FTCDNL1: variants seen among roughly 807,000 people sequenced by gnomAD.
The protein encoded by FTCDNL1 is formiminotransferase N-terminal subdomain-containing protein.
Under a neutral mutation model 5.9 loss-of-function variants are expected in FTCDNL1, and 11 were observed. The ratio of observed to expected loss-of-function variants is 1.87; its 90% CI spans 1.18 to 3.10. The LOEUF is 3.10. Ranked by LOEUF, FTCDNL1 falls within the 30% of genes most tolerant of loss-of-function variation. The pLI is 0.00. For synonymous variants in FTCDNL1, 58 were observed against 24.8 expected, an observed-to-expected ratio of 2.34 and a Z score of -3.99; for missense variants, 115 against 65.5, an observed-to-expected ratio of 1.76 and a Z score of -2.61.
chr2:199,804,056 T>G (rs1574560969), intron 3 of FTCDNL1, among the ~76,000 whole-genome samples: 1 of 152,244 alleles, frequency 6.6e-6, no homozygotes, highest in African/African-American at 2.4e-5. Context: ...GTGGATATCA[T>G]GAAGATGAAC....
chr2:199,722,308 G>T, the FTCDNL1 span, among the ~76,000 whole-genome samples: 3 of 152,174 alleles, frequency 2.0e-5, no homozygotes, highest in Non-Finnish European at 4.4e-5. Context: ...TTTGTATAAG[G>T]TGTAAAGAAG....
chr2:199,783,834 T>C (rs1367849931), intron 3 of FTCDNL1, among the ~76,000 whole-genome samples: 1 of 151,756 alleles, frequency 6.6e-6, no homozygotes, highest in Admixed American at 6.6e-5. Flanking sequence ...CTGAGTGGGG[T>C]CTTTCTGTGC....
chr2:199,755,877 G>A (rs927120960), downstream of FTCDNL1, among the ~76,000 whole-genome samples: 1 of 152,182 alleles, frequency 6.6e-6, no homozygotes, highest in Non-Finnish European at 1.5e-5. Context: ...CGGTAAGTAT[G>A]ATATAAATAT....
intron 3 of FTCDNL1, chr2:199,760,891 T>A (rs540132315): frequency 7.1e-6 from 5 of 701,834 alleles, no homozygotes; most frequent in African/African-American, 3.5e-5. Context: ...GGTTGAGGCC[T>A]TACCCCTCTC....
the FTCDNL1 span, among the ~76,000 whole-genome samples, chr2:199,677,550 G>C: frequency 6.6e-6 from 1 of 152,114 alleles, no homozygotes; most frequent in Admixed American, 6.6e-5. Context: ...TATGAAGAGA[G>C]AGCATTGCCT....
At chr2:199,718,974 A>AT in the FTCDNL1 span, among the ~76,000 whole-genome samples, 5 of 151,414 alleles carry the variant, frequency 3.3e-5, no homozygotes, top group South Asian at 6.3e-4. Context: ...TAGTTTGCAA[A>AT]TTTTTTTTCC....
chr2:199,724,944 AT>A, the FTCDNL1 span, among the ~76,000 whole-genome samples: 3,890 of 151,514 alleles, frequency 0.026, 255 homozygotes, highest in Admixed American at 0.14. Context: ...TCTTTAAAAA[AT>A]TTTTTTTCTT....
Position 199,800,167 on chromosome 2 carries a change from G to T in FTCDNL1, c.212-39332C>A, listed in dbSNP as rs139364779. Among the ~76,000 whole-genome samples the T allele has an allele frequency of 3.0e-4, 46 of 152,290 alleles. No individual in the cohort carries two copies. The East Asian group carries it at 7.9e-3, about 26-fold the overall frequency. On this transcript the variant is annotated intron_variant, in intron 3 of 3. Transcript: ENST00000416668. Reference sequence around the variant, plus strand: ...TCTTAGGAGACTTTTCTGAGGAAATGACATTGTCACTCTAGGAACTGGAGA... The same window carrying T: ...TCTTAGGAGACTTTTCTGAGGAAATTACATTGTCACTCTAGGAACTGGAGA...
At chr2:199,702,868 T>C in the FTCDNL1 span, among the ~76,000 whole-genome samples, 4 of 152,022 alleles carry the variant, frequency 2.6e-5, no homozygotes, top group African/African-American at 9.7e-5. Flanking sequence ...GCATCAGCCA[T>C]CGAAGAAATA....
At chr2:199,678,629 C>A in the FTCDNL1 span, among the ~76,000 whole-genome samples, 147,153 of 151,968 alleles carry the variant, frequency 0.97, 71,445 homozygotes, top group East Asian at 1. Flanking sequence ...GATTTATCCT[C>A]ATTTTGGAAT....
At chr2:199,696,612 A>G in the FTCDNL1 span, among the ~76,000 whole-genome samples, 1 of 152,158 alleles carries the variant, frequency 6.6e-6, no homozygotes, top group Admixed American at 6.5e-5. Context: ...ACCAACCCTC[A>G]AGGTCATCAA....
intron 3 of FTCDNL1, among the ~76,000 whole-genome samples, chr2:199,820,748 A>C (rs1327781315): frequency 6.6e-6 from 1 of 152,160 alleles, no homozygotes; most frequent in African/African-American, 2.4e-5. Flanking sequence ...AAAATATAGA[A>C]TTGCTGGGCT....
the FTCDNL1 span, among the ~76,000 whole-genome samples, chr2:199,732,229 A>C: frequency 6.6e-6 from 1 of 152,136 alleles, no homozygotes; most frequent in Non-Finnish European, 1.5e-5. Flanking sequence ...ACTCTCTTTC[A>C]TGTTCTTCAC....
the FTCDNL1 span, among the ~76,000 whole-genome samples, chr2:199,674,808 A>G: frequency 6.6e-6 from 1 of 152,198 alleles, no homozygotes; most frequent in Admixed American, 6.5e-5. Flanking sequence ...TAATTCAAAG[A>G]TTCACTTTTA....
the FTCDNL1 span, among the ~76,000 whole-genome samples, chr2:199,699,301 T>TG: frequency 6.6e-6 from 1 of 152,072 alleles, no homozygotes; most frequent in South Asian, 2.1e-4. Flanking sequence ...ACTCCCTCTC[T>TG]ACAAAAAATA....
At chr2:199,694,472 CT>C in the FTCDNL1 span, among the ~76,000 whole-genome samples, 2 of 152,142 alleles carry the variant, frequency 1.3e-5, no homozygotes, top group African/African-American at 4.8e-5. Context: ...TGCTTCTAAT[CT>C]TAGGTAGTAC....
At chr2:199,730,707 G>A in the FTCDNL1 span, among the ~76,000 whole-genome samples, 1 of 152,222 alleles carries the variant, frequency 6.6e-6, no homozygotes, top group African/African-American at 2.4e-5. Context: ...ATGCTGGCAA[G>A]GATGTGAAGA....
chr2:199,673,327 CAAA>C, the FTCDNL1 span, among the ~76,000 whole-genome samples: 25 of 69,750 alleles, frequency 3.6e-4, no homozygotes, highest in African/African-American at 1.1e-3. Context: ...GACTCTGTCT[CAAA>C]AAAAAAAAAA....
At chr2:199,709,541 C>T in the FTCDNL1 span, among the ~76,000 whole-genome samples, 60 of 152,082 alleles carry the variant, frequency 3.9e-4, no homozygotes, top group African/African-American at 1.0e-3. Context: ...CTGAGAATTG[C>T]GTATGGAGTA....
Sources: gnomAD v4.1 joint callset for allele counts (sites outside exome capture counted in the v4.1 genomes callset) on GRCh38, gnomAD v4.1.1 for gene constraint, MANE v1.5 for transcripts, NCBI Gene and HGNC (gene_info 2026-07-23, HGNC 2026-07-21) for gene names.